The following PDE10A variants were observed in gnomAD, a reference collection of about 807,000 sequenced individuals.
PDE10A encodes the protein phosphodiesterase 10A.
PDE10A carries 39 observed loss-of-function variants against 97.7 expected under a neutral mutation model. That is an observed-to-expected ratio of 0.40 (90% confidence interval 0.31 to 0.52). PDE10A has a LOEUF of 0.52. PDE10A is among the 20% of genes least tolerant of loss of function. The pLI, the probability that PDE10A is intolerant of heterozygous loss-of-function variation, is 0.56. For missense variants in PDE10A, 731 were observed against 1,047.8 expected, an observed-to-expected ratio of 0.70 and a Z score of 4.17; for synonymous variants, 371 against 376.8, an observed-to-expected ratio of 0.98 and a Z score of 0.18.
intron 2 of PDE10A, among the ~76,000 whole-genome samples, chr6:165,494,680 C>T (rs1276043474): frequency 1.3e-5 from 2 of 152,034 alleles, no homozygotes; most frequent in Non-Finnish European, 2.9e-5. Context: ...TACAAAGTTA[C>T]TGAGAATGCA....
chr6:165,539,296 A>C (rs892761953), intron 2 of PDE10A, among the ~76,000 whole-genome samples: 1 of 152,222 alleles, frequency 6.6e-6, no homozygotes, highest in Non-Finnish European at 1.5e-5. Flanking sequence ...ATTAAACTGA[A>C]AATAAGAGTT....
chr6:165,530,269 ATGTGTGTGTGTGTGTGTG>A (rs71026692), intron 2 of PDE10A, among the ~76,000 whole-genome samples: 1 of 148,150 alleles, frequency 6.7e-6, no homozygotes, highest in Non-Finnish European at 1.5e-5. Flanking sequence ...CTCTTTATAT[ATGTGTGTGTGTGTGTGTG>A]TGTGTGTGTG....
chr6:165,505,661 C>T (rs2128297742), intron 2 of PDE10A, among the ~76,000 whole-genome samples: 1 of 152,220 alleles, frequency 6.6e-6, no homozygotes, highest in South Asian at 2.1e-4. Flanking sequence ...TGTCTGTTGT[C>T]TTATTATAGC....
In PDE10A at chr6:165,917,667, G is replaced by A. The variant is rs376384115; in HGVS notation, c.-615+69862C>T. On this transcript the variant is annotated intron_variant, in intron 1 of 19. Coordinates refer to the PDE10A transcript ENST00000366882. ...AAAAGAAGAAAAAAAAAGGCAGCCA[G>A]GTGCTTTGTGCGGCGGAGCCCGCTG... Among the ~76,000 whole-genome samples the A allele has an allele frequency of 2.1e-3, 318 of 152,366 alleles. 1 individual carries two copies. Among genetic ancestry groups the A allele is most frequent in the African/African-American group, 7.2e-3 (299 of 41,590 alleles).
intron 2 of PDE10A, among the ~76,000 whole-genome samples, chr6:165,494,214 T>G (rs1780391101): frequency 6.6e-6 from 1 of 152,100 alleles, no homozygotes. Context: ...TCTTACACTG[T>G]TGGTGGCAAT....
chr6:165,854,142 G>A (rs1339932822), intron 1 of PDE10A, among the ~76,000 whole-genome samples: 1 of 152,210 alleles, frequency 6.6e-6, no homozygotes, highest in East Asian at 1.9e-4. Flanking sequence ...TGCCACGGGC[G>A]CAGCGCAGCG....
chr6:165,439,062 A>T (rs1445301516), intron 5 of PDE10A, among the ~76,000 whole-genome samples: 1 of 152,128 alleles, frequency 6.6e-6, no homozygotes, highest in African/African-American at 2.4e-5. Context: ...AGTTCTAAAG[A>T]CATTTACACA....
chr6:165,451,174 C>G (rs1317903377), intron 3 of PDE10A, among the ~76,000 whole-genome samples: 2 of 152,138 alleles, frequency 1.3e-5, no homozygotes, highest in South Asian at 4.1e-4. Context: ...GGCGCTTGCA[C>G]TGCAGCCACT....
At chr6:165,379,454 A>G (rs1425409294) in intron 17 of PDE10A, 88 bp from the exon 18 acceptor site, 1 of 1,003,752 alleles carries the variant, frequency 1.0e-6, no homozygotes, top group African/African-American at 1.7e-5. Flanking sequence ...CTATATAGTC[A>G]GTCAATGACA....
intron 3 of PDE10A, among the ~76,000 whole-genome samples, chr6:165,453,717 A>G (rs892880673): frequency 7.2e-5 from 11 of 152,338 alleles, no homozygotes; most frequent in Admixed American, 4.6e-4. Flanking sequence ...CTGTGGTGCC[A>G]CAGCAGCCTC....
At chr6:165,506,789 C>G (rs1781217990) in intron 2 of PDE10A, among the ~76,000 whole-genome samples, 1 of 152,068 alleles carries the variant, frequency 6.6e-6, no homozygotes, top group Admixed American at 6.6e-5. Flanking sequence ...TTACTGGCAC[C>G]AGCTATAAAT....
chr6:165,651,142 A>G (rs894791843), intron 1 of PDE10A, among the ~76,000 whole-genome samples: 1 of 152,214 alleles, frequency 6.6e-6, no homozygotes, highest in African/African-American at 2.4e-5. Context: ...CTCCTCGTGG[A>G]CTTGCCAACA....
chr6:165,912,818 T>C (rs1782499608), intron 1 of PDE10A, among the ~76,000 whole-genome samples: 1 of 152,232 alleles, frequency 6.6e-6, no homozygotes, highest in African/African-American at 2.4e-5. Context: ...GAACCCTCTA[T>C]GTCCAGTATA....
At chr6:165,823,122 G>A (rs940521123) in intron 1 of PDE10A, among the ~76,000 whole-genome samples, 33 of 151,888 alleles carry the variant, frequency 2.2e-4, no homozygotes, top group African/African-American at 7.5e-4. Context: ...GTGAGCCACC[G>A]CTCCCGGCCT....
intron 1 of PDE10A, among the ~76,000 whole-genome samples, chr6:165,965,278 G>A (rs575561486): frequency 6.6e-6 from 1 of 152,058 alleles, no homozygotes; most frequent in Admixed American, 6.6e-5. Context: ...AAAAGTGATG[G>A]CCCCAAGTTT....
At chr6:165,678,819 T>A (rs1285775059) in intron 1 of PDE10A, among the ~76,000 whole-genome samples, 2 of 152,232 alleles carry the variant, frequency 1.3e-5, no homozygotes, top group African/African-American at 2.4e-5. Flanking sequence ...CTTTTTAACA[T>A]GTGGCAGAAA....
intron 5 of PDE10A, among the ~76,000 whole-genome samples, chr6:165,443,379 T>C (rs937112950): frequency 6.6e-6 from 1 of 152,164 alleles, no homozygotes; most frequent in African/African-American, 2.4e-5. Flanking sequence ...TCACATCCAG[T>C]GCATGCTGAT....
chr6:165,726,774 C>T (rs1263736579), intron 1 of PDE10A, among the ~76,000 whole-genome samples: 1 of 152,002 alleles, frequency 6.6e-6, no homozygotes, highest in East Asian at 2.0e-4. Flanking sequence ...CTCTGCGGTT[C>T]TCCCTCGCGG....
chr6:165,987,847 T>A (rs554875060), exon 1 of PDE10A: 10 of 400,692 alleles, frequency 2.5e-5, no homozygotes, highest in Admixed American at 2.4e-4. Flanking sequence ...CATCTGGGGG[T>A]CTCGGGGAAA....
Sources: gnomAD v4.1 joint callset for allele counts (sites outside exome capture counted in the v4.1 genomes callset) on GRCh38, gnomAD v4.1.1 for gene constraint, MANE v1.5 for transcripts, NCBI Gene and HGNC (gene_info 2026-07-23, HGNC 2026-07-21) for gene names.